Variants in EYA3 observed in about 807,000 individuals in gnomAD.
EYA3 encodes the protein EYA transcriptional coactivator and phosphatase 3, also known as protein phosphatase EYA3.
EYA3 carries 39 observed loss-of-function variants against 80.0 expected under a neutral mutation model. The ratio of observed to expected loss-of-function variants is 0.49; its 90% confidence interval spans 0.38 to 0.64. EYA3 has a LOEUF of 0.64. EYA3 is among the 30% of genes least tolerant of loss of function. EYA3 has a pLI of 0.00. For synonymous variants in EYA3, 206 were observed against 232.8 expected, an observed-to-expected ratio of 0.88 and a Z score of 1.05; for missense variants, 523 against 676.1, an observed-to-expected ratio of 0.77 and a Z score of 2.51.
chr1:28,033,332 CTT>C (rs1643253970), intron 6 of EYA3, among the ~76,000 whole-genome samples: 2 of 152,136 alleles, frequency 1.3e-5, no homozygotes, highest in Admixed American at 1.3e-4. Context: ...ACAAACCTCT[CTT>C]ATAATTTCTC....
intron 1 of EYA3, among the ~76,000 whole-genome samples, chr1:28,088,212 G>A (rs1485615807): frequency 2.0e-5 from 3 of 152,058 alleles, no homozygotes; most frequent in Non-Finnish European, 4.4e-5. Context: ...AAGGGAGGAG[G>A]AGAAAAAAGG....
chr1:28,044,201 T>C (rs1185346974), intron 3 of EYA3, among the ~76,000 whole-genome samples: 1 of 152,236 alleles, frequency 6.6e-6, no homozygotes, highest in Non-Finnish European at 1.5e-5. Context: ...TCTTCAGTTA[T>C]TATGTCCCAT....
chr1:28,011,817 TCC>T (rs933541065), intron 9 of EYA3, among the ~76,000 whole-genome samples: 5 of 152,170 alleles, frequency 3.3e-5, no homozygotes, highest in Admixed American at 2.0e-4. Flanking sequence ...TATATTTGGA[TCC>T]TAATTTTCCC....
chr1:28,076,894 C>T (rs1451560841), intron 1 of EYA3, among the ~76,000 whole-genome samples: 1 of 150,170 alleles, frequency 6.7e-6, no homozygotes, highest in Admixed American at 6.6e-5. Context: ...GCATGCGCCA[C>T]CACGCCTGGC....
intron 14 of EYA3, among the ~76,000 whole-genome samples, chr1:27,990,841 G>A (rs537574069): frequency 2.2e-4 from 34 of 151,422 alleles, no homozygotes; most frequent in African/African-American, 7.8e-4. Context: ...GTGAGCCACC[G>A]TGCCTGGCAT....
intron 1 of EYA3, among the ~76,000 whole-genome samples, chr1:28,073,134 T>A (rs1230681095): frequency 8.0e-5 from 7 of 87,114 alleles, no homozygotes; most frequent in Non-Finnish European, 1.4e-4. Flanking sequence ...TATATTTTTT[T>A]TTTTTTTTTT....
chr1:28,035,448 A>T, intron 6 of EYA3, 96 bp downstream of exon 6: 1 of 1,365,562 alleles, frequency 7.3e-7, no homozygotes, highest in South Asian at 1.5e-5. Flanking sequence ...CCACATATGT[A>T]ACTAAGTGCT....
At chr1:28,029,776 G>C (rs1421421616) in intron 6 of EYA3, among the ~76,000 whole-genome samples, 1 of 151,666 alleles carries the variant, frequency 6.6e-6, no homozygotes. Flanking sequence ...TGTATTTTTA[G>C]TAAAGATGGG....
chr1:27,981,892 A>G (rs897726109), intron 16 of EYA3, among the ~76,000 whole-genome samples: 1 of 152,130 alleles, frequency 6.6e-6, no homozygotes, highest in African/African-American at 2.4e-5. Flanking sequence ...AGGCTGAAGT[A>G]CAGTGGCACA....
intron 3 of EYA3, among the ~76,000 whole-genome samples, chr1:28,045,582 A>G (rs981110533): frequency 6.6e-6 from 1 of 152,222 alleles, no homozygotes; most frequent in Non-Finnish European, 1.5e-5. Context: ...AACATCCCCT[A>G]CATACTCAAC....
At chr1:27,976,931 T>C (rs1638959849) in intron 17 of EYA3, 2 of 645,240 alleles carry the variant, frequency 3.1e-6, no homozygotes, top group Admixed American at 6.3e-5. Flanking sequence ...TTGGCCAGGC[T>C]AGTCTCGAAC....
rs1480221643 is a variant in EYA3 at position 28,084,553 on chromosome 1, C to T, written c.-69+3971G>A. Reference sequence around the variant, plus strand: ...AACATCTGGGAAGCATTGACTATTCCAAAATATATATATATATATATATAT... The same window carrying T: ...AACATCTGGGAAGCATTGACTATTCTAAAATATATATATATATATATATAT... On this transcript the variant is annotated intron_variant, in intron 1 of 17. Transcript: ENST00000373871. 1.7e-3 allele frequency among the ~76,000 whole-genome samples: 109 copies of T among 63,350 alleles called. 1 individual carries two copies. Among genetic ancestry groups the T allele is most frequent in the Admixed American group, 5.0e-3 (20 of 3,996 alleles). 41.6% of individuals were successfully genotyped at this position (63,350 alleles called of 152,430 possible). A position where few individuals can be genotyped will look rare whatever the true frequency, so the allele number is the denominator to read the frequency against.
At chr1:28,058,566 A>C (rs1644509728) in intron 1 of EYA3, among the ~76,000 whole-genome samples, 1 of 152,226 alleles carries the variant, frequency 6.6e-6, no homozygotes. Context: ...AAATGCATTC[A>C]CAACCAACTA....
At chr1:28,076,362 T>C (rs1434957959) in intron 1 of EYA3, among the ~76,000 whole-genome samples, 1 of 152,136 alleles carries the variant, frequency 6.6e-6, no homozygotes, top group East Asian at 1.9e-4. Flanking sequence ...TTAAAATATA[T>C]ACATATATTT....
At chr1:27,990,495 G>A (rs1016664001) in intron 14 of EYA3, 8 of 151,966 alleles carry the variant, frequency 5.3e-5, no homozygotes, top group Admixed American at 1.3e-4. Flanking sequence ...CAGTGTTGGC[G>A]TGAGTGAACA....
intron 2 of EYA3, among the ~76,000 whole-genome samples, chr1:28,051,738 G>T (rs1644257752): frequency 6.6e-6 from 1 of 151,786 alleles, no homozygotes; most frequent in African/African-American, 2.4e-5. Flanking sequence ...AGAAGAAGAA[G>T]TACAATACAC....
chr1:28,028,425 C>G (rs1642915275), intron 6 of EYA3, among the ~76,000 whole-genome samples: 1 of 152,012 alleles, frequency 6.6e-6, no homozygotes, highest in Non-Finnish European at 1.5e-5. Context: ...TTTGTTTCTT[C>G]CGATTAGGAA....
intron 2 of EYA3, among the ~76,000 whole-genome samples, chr1:28,049,188 G>A (rs1644147022): frequency 6.6e-6 from 1 of 152,092 alleles, no homozygotes; most frequent in African/African-American, 2.4e-5. Context: ...CGTATCAGGT[G>A]GAATCATAGA....
chr1:27,997,216 T>C lies in EYA3; in HGVS notation c.1142+104A>G, dbSNP rs1411071721. The C allele has an allele frequency of 5.6e-6, 6 of 1,073,698 alleles. No individual in the cohort carries two copies. In the South Asian group the frequency reaches 7.8e-5, roughly 14 times the overall value. 66.5% of individuals were successfully genotyped at this position (1,073,698 alleles called of 1,614,324 possible). A position where few individuals can be genotyped will look rare whatever the true frequency, so the allele number is the denominator to read the frequency against. On this transcript the variant is annotated intron_variant, in intron 13 of 17. Transcript: ENST00000373871. ...ATGTCCTCTAACAGGTTGTGAGCTCTTTCAGAGATATATTCTATTTATCTT... is the reference window on the plus strand; with the variant it reads ...ATGTCCTCTAACAGGTTGTGAGCTCCTTCAGAGATATATTCTATTTATCTT...
Sources: gnomAD v4.1 joint callset for allele counts (sites outside exome capture counted in the v4.1 genomes callset) on GRCh38, gnomAD v4.1.1 for gene constraint, MANE v1.5 for transcripts, NCBI Gene and HGNC (gene_info 2026-07-23, HGNC 2026-07-21) for gene names.